The following DCBLD1 variants were observed in gnomAD, a reference collection of about 807,000 sequenced individuals.
The protein encoded by DCBLD1 is discoidin, CUB and LCCL domain containing 1.
DCBLD1 carries 57 observed loss-of-function variants against 71.5 expected under a neutral mutation model. The ratio of observed to expected loss-of-function variants is 0.80; its 90% confidence interval spans 0.64 to 0.99. DCBLD1 has a LOEUF of 0.99. DCBLD1 is among the 50% of genes least tolerant of loss of function. The pLI is 0.00. For synonymous variants in DCBLD1, 380 were observed against 363.8 expected (o/e 1.04, Z -0.51); for missense variants, 891 against 923.5 (o/e 0.96, Z 0.46).
chr6:117,568,067 C>CA (rs1270321929), intron 14 of DCBLD1, among the ~76,000 whole-genome samples: 1 of 149,820 alleles, frequency 6.7e-6, no homozygotes, highest in Non-Finnish European at 1.5e-5. Context: ...GCCATGGTGG[C>CA]AGGCATCTGT....
rs561403345 is a variant in DCBLD1 at position 117,534,947 on chromosome 6, G to A, written c.720-2238G>A. Among the ~76,000 whole-genome samples the A allele has an allele frequency of 2.0e-5, 3 of 152,144 alleles. No homozygotes were observed. In the East Asian group the frequency reaches 5.8e-4, roughly 29 times the overall value. On this transcript the variant is annotated intron_variant, in intron 6 of 14. Transcript: ENST00000338728. ...GATAGAAAGTTCAGAATTATATCAA[G>A]ATCTCTTATTTCTAGATCTGTGATT...
chr6:117,548,212 C>A lies in DCBLD1; in HGVS notation c.1921C>A (p.Pro641Thr), dbSNP rs745471127. 2.3e-4 allele frequency: 352 copies of A among 1,550,436 alleles called. 1 individual carries two copies. The highest frequency in any genetic ancestry group is 5.0e-4 in the Middle Eastern group (3 of 6,014). Residue 641 changes from proline to threonine, a missense_variant, in exon 15 of 15, where the codon CCC (proline) becomes ACC (threonine). By Grantham distance (38) the Pro-to-Thr change is conservative. Transcript: ENST00000338728. ...KHSLSSGGFS[P>T]VAGVGAQDGD... ...CTCCCTCTCCTCGGGCGGCTTCTCCCCCGTAGCGGGTGTGGGCGCCCAGGA... is the reference window on the plus strand; with the variant it reads ...CTCCCTCTCCTCGGGCGGCTTCTCCACCGTAGCGGGTGTGGGCGCCCAGGA...
At position 117,532,284 on chromosome 6, in the gene DCBLD1, A is replaced by G; in HGVS notation, c.610A>G (p.Ile204Val). 6 of 1,612,248 alleles carry G rather than the reference A, an allele frequency of 3.7e-6. No homozygotes were observed. Among genetic ancestry groups the G allele is most frequent in the Non-Finnish European group, 5.1e-6 (6 of 1,179,506 alleles). The change falls in exon 6 of 15, where the codon ATC becomes GTC. Residue 204 changes from isoleucine (I) to valine (V), a missense_variant. Physicochemically the swap from Ile to Val is conservative, Grantham distance 29. Transcript: ENST00000338728. Reference protein sequence around the residue: ...RDTSLLCKAAIHAGIIADELG... With the variant: ...RDTSLLCKAAVHAGIIADELG... Reference sequence around the variant, plus strand: ...GACCTCTTTATTGTGCAAAGCTGCCATCCATGCAGGAATAATTGCTGATGA... The same window carrying G: ...GACCTCTTTATTGTGCAAAGCTGCCGTCCATGCAGGAATAATTGCTGATGA...
intron 5 of DCBLD1, among the ~76,000 whole-genome samples, chr6:117,528,696 A>G (rs1261455073): frequency 7.9e-5 from 12 of 152,228 alleles, no homozygotes; most frequent in Admixed American, 7.2e-4. Flanking sequence ...TCAGCTGGCC[A>G]TTGCATTCCC....
At position 117,540,681 on chromosome 6, in the gene DCBLD1, A is replaced by G; in HGVS notation, c.1115A>G (p.Asn372Ser). 6.2e-7 allele frequency: 1 copy of G among 1,614,162 alleles called. No individual in the cohort carries two copies. ...VNNEEKVFQG[N>S]SNFRDPVQNN... is the part of the protein sequence containing the mutation. ...TTCCTTCTATAGGTGTTTCAGGGTA[A>G]CTCTAACTTTCGGGACCCAGTGCAA... The change falls in exon 10 of 15, where the codon AAC becomes AGC. Residue 372 changes from asparagine to serine, a missense_variant. By Grantham distance (46) the Asn-to-Ser change is conservative. Coordinates refer to ENST00000338728, the MANE Select transcript of DCBLD1 (RefSeq NM_001366458.2).
At chr6:117,497,659 T>G (rs938575744) in intron 1 of DCBLD1, among the ~76,000 whole-genome samples, 1 of 152,082 alleles carries the variant, frequency 6.6e-6, no homozygotes. Context: ...TTAATATATC[T>G]TTCTTCTCTT....
intron 5 of DCBLD1, among the ~76,000 whole-genome samples, chr6:117,525,751 A>G (rs936217164): frequency 1.3e-5 from 2 of 152,164 alleles, no homozygotes; most frequent in African/African-American, 2.4e-5. Context: ...TAACATTCCA[A>G]CTGGTTCCTG....
chr6:117,561,071 G>A (rs1233123933), intron 14 of DCBLD1: 2 of 223,376 alleles, frequency 9.0e-6, no homozygotes, highest in Non-Finnish European at 1.8e-5. Flanking sequence ...AGTAGCATCT[G>A]AGCAACGGTG....
chr6:117,513,410 C>T (rs1778086524), intron 2 of DCBLD1, among the ~76,000 whole-genome samples: 4 of 152,168 alleles, frequency 2.6e-5, no homozygotes, highest in Admixed American at 1.3e-4. Flanking sequence ...ATGTCTGGTG[C>T]CAAATGCCAC....
At chr6:117,519,632 C>T (rs1778317015) in intron 2 of DCBLD1, among the ~76,000 whole-genome samples, 184 bp from the exon 3 acceptor site, 1 of 152,202 alleles carries the variant, frequency 6.6e-6, no homozygotes, top group Non-Finnish European at 1.5e-5. Context: ...TCCCCCTTGG[C>T]TTAGTTCACA....
At chr6:117,483,562 C>G (rs1704378198) in intron 1 of DCBLD1, among the ~76,000 whole-genome samples, 1 of 152,222 alleles carries the variant, frequency 6.6e-6, no homozygotes, top group African/African-American at 2.4e-5. Context: ...TGCTTTTTCT[C>G]TGGAGCTGGT....
intron 5 of DCBLD1, among the ~76,000 whole-genome samples, chr6:117,528,838 G>A (rs891468595): frequency 6.6e-6 from 1 of 152,038 alleles, no homozygotes; most frequent in East Asian, 1.9e-4. Flanking sequence ...AGGGAAGCTC[G>A]TTGTTTTTTG....
At position 117,484,549 on chromosome 6, in the gene DCBLD1, A is replaced by G. The variant is rs555800518; in HGVS notation, c.112+1656A>G. 3.3e-5 allele frequency among the ~76,000 whole-genome samples: 5 copies of G among 152,222 alleles called. No individual in the cohort carries two copies. The East Asian group carries it at 5.8e-4, about 18-fold the overall frequency. ...TATTTTGTAGAGACAGGGTTTAGCC[A>G]TATTACGCAGGCTGGTTTTGAACTC... is the stretch of plus-strand genomic sequence containing the variant. On this transcript the variant is annotated intron_variant, in intron 1 of 14. Transcript: ENST00000338728.
intron 1 of DCBLD1, among the ~76,000 whole-genome samples, chr6:117,495,963 A>T (rs9489215): frequency 6.6e-6 from 1 of 152,166 alleles, no homozygotes; most frequent in East Asian, 1.9e-4. Flanking sequence ...AAATGATTTG[A>T]TTCATTTTCA....
At chr6:117,566,194 C>G (rs1404324453) in intron 14 of DCBLD1, among the ~76,000 whole-genome samples, 1 of 152,200 alleles carries the variant, frequency 6.6e-6, no homozygotes, top group East Asian at 1.9e-4. Context: ...CAACCAGATA[C>G]CATCAGTGCA....
chr6:117,503,530 C>T (rs1315475269), intron 1 of DCBLD1: 8 of 498,906 alleles, frequency 1.6e-5, no homozygotes, highest in East Asian at 6.7e-5. Flanking sequence ...AAGGGCTTTC[C>T]GTTCTAATGT....
intron 1 of DCBLD1, chr6:117,494,688 A>G (rs761068744): frequency 3.9e-5 from 6 of 152,186 alleles, no homozygotes; most frequent in Non-Finnish European, 7.3e-5. Flanking sequence ...TTGTAACTTA[A>G]TAACAACAGT....
chr6:117,543,372 A>G (rs1044196292), intron 12 of DCBLD1, among the ~76,000 whole-genome samples, 161 bp downstream of exon 12: 2 of 152,234 alleles, frequency 1.3e-5, no homozygotes, highest in African/African-American at 4.8e-5. Flanking sequence ...AAAAGTAGAA[A>G]TGATCGAGTA....
At position 117,549,192 on chromosome 6, in the gene DCBLD1, G is replaced by A; in HGVS notation, c.*753G>A. ...ATGAAGGTGGCACAGGAATTACAGT[G>A]TGAATGGCTGTGTCAGATGTTTTCG... On this transcript the variant is annotated 3_prime_UTR_variant, in exon 15 of 15. Coordinates refer to ENST00000338728, the MANE Select transcript of DCBLD1 (RefSeq NM_001366458.2). The A allele has an allele frequency of 1.0e-6, 1 of 985,464 alleles. No individual in the cohort carries two copies. Among genetic ancestry groups the A allele is most frequent in the Non-Finnish European group, 1.2e-6 (1 of 829,946 alleles). 61.0% of individuals were successfully genotyped at this position (985,464 alleles called of 1,614,324 possible). A position where few individuals can be genotyped will look rare whatever the true frequency, so the allele number is the denominator to read the frequency against.
Sources: gnomAD v4.1 joint callset for allele counts (sites outside exome capture counted in the v4.1 genomes callset) on GRCh38, gnomAD v4.1.1 for gene constraint, MANE v1.5 for transcripts, NCBI Gene and HGNC (gene_info 2026-07-23, HGNC 2026-07-21) for gene names.